Variants in PTPN13 observed in about 807,000 individuals in gnomAD.
PTPN13 encodes the protein tyrosine-protein phosphatase non-receptor type 13.
In PTPN13, 191 loss-of-function variants were observed where a neutral mutation model predicts 284.0. That is an observed-to-expected ratio of 0.67 (90% CI 0.60 to 0.76). The LOEUF is 0.76. Ranked by LOEUF, PTPN13 falls within the 30% of genes least tolerant of loss-of-function variation. The pLI is 0.00. For synonymous variants in PTPN13, 986 were observed against 1,022.3 expected, an observed-to-expected ratio of 0.96 and a Z score of 0.68; for missense variants, 2,797 against 2,939.9, an observed-to-expected ratio of 0.95 and a Z score of 1.12.
chr4:86,772,922 A>T lies in PTPN13; in HGVS notation c.5313A>T (p.Lys1771Asn), dbSNP rs773625651. ...GACAAGAAAACTGGACACCTTTGAA[A>T]AATGACTTGGAAAATCACCTTGAAG... The part of the protein sequence containing the change: ...PTRQENWTPL[K>N]NDLENHLEDF... The change falls in exon 32 of 48, where the codon AAA becomes AAT. Residue 1771 changes from lysine to asparagine, a missense_variant. Transcript: ENST00000411767. 6.2e-7 allele frequency: 1 copy of T among 1,607,596 alleles called. No homozygotes were observed. The highest frequency in any genetic ancestry group is 8.5e-7 in the Non-Finnish European group (1 of 1,177,256).
At chr4:86,634,539 A>T (rs749002183) in intron 1 of PTPN13, among the ~76,000 whole-genome samples, 3 of 152,138 alleles carry the variant, frequency 2.0e-5, no homozygotes, top group Non-Finnish European at 2.9e-5. Context: ...CCTTCTGTAG[A>T]ATCATATATC....
At chr4:86,751,698 T>A (rs969253120) in intron 19 of PTPN13, among the ~76,000 whole-genome samples, 6 of 152,150 alleles carry the variant, frequency 3.9e-5, no homozygotes, top group African/African-American at 1.4e-4. Flanking sequence ...TTACCTTTTT[T>A]GGCTTTTCCT....
At chr4:86,652,714 G>C (rs998851994) in intron 2 of PTPN13, among the ~76,000 whole-genome samples, 3 of 151,940 alleles carry the variant, frequency 2.0e-5, no homozygotes, top group South Asian at 4.2e-4. Flanking sequence ...CTTTGAGTTT[G>C]ATAATTATAT....
intron 7 of PTPN13, among the ~76,000 whole-genome samples, chr4:86,712,374 T>C (rs1321135705): frequency 6.6e-6 from 1 of 151,308 alleles, no homozygotes; most frequent in Non-Finnish European, 1.5e-5. Flanking sequence ...CAAGAAATGT[T>C]TCTGCTCAGA....
chr4:86,756,370 G>A (rs1197774100), intron 20 of PTPN13, among the ~76,000 whole-genome samples: 3 of 151,928 alleles, frequency 2.0e-5, no homozygotes, highest in Non-Finnish European at 4.4e-5. Flanking sequence ...AAGGATCTTG[G>A]ATACTTAAAC....
At chr4:86,644,257 A>G (rs1348173634) in intron 2 of PTPN13, among the ~76,000 whole-genome samples, 1 of 151,910 alleles carries the variant, frequency 6.6e-6, no homozygotes, top group Admixed American at 6.6e-5. Flanking sequence ...TCAGCCTCCC[A>G]AGTAGCTGGG....
chr4:86,619,730 C>T (rs1022985580), intron 1 of PTPN13, among the ~76,000 whole-genome samples: 4 of 151,944 alleles, frequency 2.6e-5, no homozygotes, highest in Non-Finnish European at 5.9e-5. Context: ...AAATCAAATC[C>T]TGCAATAAGC....
At chr4:86,786,281 G>A (rs1167837012) in intron 40 of PTPN13, among the ~76,000 whole-genome samples, 1 of 152,154 alleles carries the variant, frequency 6.6e-6, no homozygotes, top group Non-Finnish European at 1.5e-5. Context: ...TATATTTCAG[G>A]TTCTTCAAGC....
intron 15 of PTPN13, among the ~76,000 whole-genome samples, chr4:86,737,033 CA>C (rs1735597402): frequency 6.6e-5 from 10 of 151,984 alleles, no homozygotes; most frequent in Admixed American, 6.6e-4. Context: ...AATTTACATA[CA>C]ATAAAATTTA....
chr4:86,798,173 A>G (rs1446916000), intron 41 of PTPN13, among the ~76,000 whole-genome samples: 2 of 152,198 alleles, frequency 1.3e-5, no homozygotes, highest in African/African-American at 4.8e-5. Flanking sequence ...ATTCCTGGTA[A>G]TTTCCCACTG....
intron 3 of PTPN13, among the ~76,000 whole-genome samples, chr4:86,680,952 C>A (rs541236038): frequency 1.1e-4 from 17 of 152,142 alleles, no homozygotes; most frequent in African/African-American, 3.9e-4. Context: ...CAAGGAGATA[C>A]AAAGATGAAT....
At chr4:86,669,679 A>G (rs1727516872) in intron 2 of PTPN13, among the ~76,000 whole-genome samples, 1 of 152,098 alleles carries the variant, frequency 6.6e-6, no homozygotes, top group African/African-American at 2.4e-5. Flanking sequence ...TCCAGGGATG[A>G]AAAGGAAGAA....
In PTPN13 at chr4:86,803,830, T is replaced by C; in HGVS notation, c.6627T>C (p.Asp2209=). 6.2e-7 allele frequency: 1 copy of C among 1,613,750 alleles called. No individual in the cohort carries two copies. Reference sequence around the variant, plus strand: ...TTCGAGTCCTGCGGGGTTTGCTAGATCAAGGAATTCCTTCTAAGGAGCTGG... The same window carrying C: ...TTCGAGTCCTGCGGGGTTTGCTAGACCAAGGAATTCCTTCTAAGGAGCTGG... ...SVIRVLRGLL[D]QGIPSKELEN... Residue 2209 remains aspartate (D), a synonymous_variant, in exon 43 of 48, where the codon GAT becomes GAC. Coordinates refer to ENST00000411767, the MANE Select transcript of PTPN13 (RefSeq NM_080683.3).
At position 86,770,188 on chromosome 4, in the gene PTPN13, A is replaced by T. The variant is rs1275210641; in HGVS notation, c.4792A>T (p.Thr1598Ser). Reference sequence around the variant, plus strand: ...ACCTGGTGTGCTACCGGAAATTGATACTGCGCTTTTGGTGAGACTTATGAA... The same window carrying T: ...ACCTGGTGTGCTACCGGAAATTGATTCTGCGCTTTTGGTGAGACTTATGAA... Reference protein sequence around the residue: ...PPPGVLPEIDTALLTPLQSPA... With the variant: ...PPPGVLPEIDSALLTPLQSPA... The change falls in exon 30 of 48, where the codon ACT becomes TCT. Residue 1598 changes from threonine to serine, a missense_variant. Physicochemically the swap from Thr to Ser is moderately conservative, Grantham distance 58 (BLOSUM62 1). Transcript: ENST00000411767. 4 of 1,613,334 alleles carry T rather than the reference A, an allele frequency of 2.5e-6. No homozygotes were observed. Among genetic ancestry groups the T allele is most frequent in the Non-Finnish European group, 3.4e-6 (4 of 1,179,472 alleles).
At position 86,771,540 on chromosome 4, in the gene PTPN13, C is replaced by T. The variant is rs113993738; in HGVS notation, c.5168+5C>T. ...TAAACCAGAGTTTGAGGACAGGTAT[C>T]ATCAATATAATGTGAACCGCTCAAA... is the stretch of plus-strand genomic sequence containing the variant. On this transcript the variant is annotated splice_donor_5th_base_variant and intron_variant, in intron 31 of 47. Coordinates refer to ENST00000411767, the MANE Select transcript of PTPN13 (RefSeq NM_080683.3). 1.1e-4 allele frequency: 167 copies of T among 1,565,764 alleles called. 1 individual carries two copies. In the Middle Eastern group the frequency reaches 1.3e-3, roughly 13 times the overall value.
rs1356018377 is a variant in PTPN13, at chr4:86,719,596, G to A, written c.1385+2479G>A. Among the ~76,000 whole-genome samples the A allele has an allele frequency of 2.0e-5, 3 of 152,148 alleles. No homozygotes were observed. The East Asian group carries it at 5.8e-4, about 29-fold the overall frequency. On this transcript the variant is annotated intron_variant, in intron 9 of 47. Coordinates refer to ENST00000411767, the MANE Select transcript of PTPN13 (RefSeq NM_080683.3). ...TGAACTAATTTGCTCTCCCAACAGT[G>A]TGTAAGTGTTCCCTTTTCTCTGCAA... is the stretch of plus-strand genomic sequence containing the variant.
chr4:86,774,850 A>T (rs993063749), intron 33 of PTPN13, among the ~76,000 whole-genome samples: 2 of 152,012 alleles, frequency 1.3e-5, no homozygotes, highest in Non-Finnish European at 2.9e-5. Context: ...AGTCCCTTTA[A>T]TCTCAGTAAG....
intron 24 of PTPN13, 140 bp from the exon 25 acceptor site, chr4:86,764,453 T>G (rs1264530652): frequency 1.6e-6 from 1 of 632,504 alleles, no homozygotes; most frequent in East Asian, 3.2e-5. Flanking sequence ...AAAACACATA[T>G]TTGTCTTTCA....
At chr4:86,796,782 G>A in intron 40 of PTPN13, 92 bp from the exon 41 acceptor site, 1 of 792,230 alleles carries the variant, frequency 1.3e-6, no homozygotes, top group Non-Finnish European at 2.1e-6. Flanking sequence ...AACAATAACA[G>A]TAAATATAGG....
Sources: gnomAD v4.1 joint callset for allele counts (sites outside exome capture counted in the v4.1 genomes callset) on GRCh38, gnomAD v4.1.1 for gene constraint, MANE v1.5 for transcripts, NCBI Gene and HGNC (gene_info 2026-07-23, HGNC 2026-07-21) for gene names.